Variants in ABCA8 observed in about 807,000 individuals in gnomAD.
ABCA8 encodes the protein ATP binding cassette subfamily A member 8.
In ABCA8, 177 loss-of-function variants were observed where a neutral mutation model predicts 192.3. The ratio of observed to expected loss-of-function variants is 0.92; its 90% CI spans 0.81 to 1.04. The LOEUF is 1.04. Ranked by LOEUF, ABCA8 falls within the 50% of genes least tolerant of loss-of-function variation. The probability of loss-of-function intolerance (pLI) is 0.00; values close to 1 mark genes in which losing one functional copy is unlikely to be tolerated. For missense variants in ABCA8, 1,915 were observed against 1,904.8 expected (o/e 1.01, Z -0.10); for synonymous variants, 642 against 690.2 (o/e 0.93, Z 1.09).
At chr17:68,939,796 T>G (rs1291870384) in intron 4 of ABCA8, among the ~76,000 whole-genome samples, 1 of 152,192 alleles carries the variant, frequency 6.6e-6, no homozygotes, top group African/African-American at 2.4e-5. Flanking sequence ...GAAATATTTA[T>G]GAAAAATATA....
chr17:68,942,605 T>C, intron 2 of ABCA8, among the ~76,000 whole-genome samples: 1 of 152,028 alleles, frequency 6.6e-6, no homozygotes, highest in East Asian at 2.0e-4. Context: ...TCCTCGAAGC[T>C]CTGTTTCCTT....
intron 37 of ABCA8, among the ~76,000 whole-genome samples, chr17:68,872,824 A>G (rs2066099759): frequency 6.6e-6 from 1 of 152,132 alleles, no homozygotes; most frequent in South Asian, 2.1e-4. Flanking sequence ...TAATTTTAGA[A>G]ATAGAAAATA....
intron 1 of ABCA8, among the ~76,000 whole-genome samples, chr17:68,953,891 T>G (rs1486544395): frequency 2.0e-5 from 3 of 152,170 alleles, no homozygotes; most frequent in Non-Finnish European, 4.4e-5. Flanking sequence ...TATAGAAGTA[T>G]AATGCCGCTC....
chr17:68,884,995 A>G (rs1417948493), intron 27 of ABCA8: 2 of 619,550 alleles, frequency 3.2e-6, no homozygotes, highest in African/African-American at 2.0e-5. Context: ...CTTCCCATAT[A>G]TTAATCAGGA....
chr17:68,878,620 C>A (rs1567821657), intron 32 of ABCA8: 1 of 152,188 alleles, frequency 6.6e-6, no homozygotes, highest in Non-Finnish European at 1.5e-5. Flanking sequence ...TCAGACTTAC[C>A]TTTTACAAGA....
intron 4 of ABCA8, among the ~76,000 whole-genome samples, chr17:68,938,481 T>C (rs1162789652): frequency 1.3e-5 from 2 of 152,138 alleles, no homozygotes; most frequent in Non-Finnish European, 2.9e-5. Flanking sequence ...TGGAGCAAGA[T>C]GCATAGGTTC....
In ABCA8 at chr17:68,868,297, C is replaced by T. The variant is rs138609286; in HGVS notation, c.4767+4G>A. ...GATGATACGAATCCCTAAAAATGAC[C>T]CACCTGCTCCAGGGTAGACTGTGAG... is the stretch of plus-strand genomic sequence containing the variant. On this transcript the variant is annotated splice_donor_region_variant and intron_variant, in intron 39 of 39. Transcript: ENST00000586539. The T allele has an allele frequency of 2.9e-5, 46 of 1,613,484 alleles. No homozygotes were observed. The African/African-American group carries it at 5.1e-4, about 18-fold the overall frequency.
chr17:68,871,766 T>C (rs1297094177), intron 37 of ABCA8, among the ~76,000 whole-genome samples: 1 of 152,164 alleles, frequency 6.6e-6, no homozygotes, highest in African/African-American at 2.4e-5. Flanking sequence ...CATTATAGCA[T>C]AACATATTAC....
intron 1 of ABCA8, among the ~76,000 whole-genome samples, chr17:68,951,425 C>T (rs571912686): frequency 6.6e-6 from 1 of 152,352 alleles, no homozygotes; most frequent in East Asian, 1.9e-4. Flanking sequence ...TCCACGTGCA[C>T]CTAACATACC....
intron 17 of ABCA8, among the ~76,000 whole-genome samples, chr17:68,912,122 A>T (rs1301255304): frequency 6.6e-6 from 1 of 152,208 alleles, no homozygotes; most frequent in Non-Finnish European, 1.5e-5. Flanking sequence ...TAAATAAGGT[A>T]CCAGGGACCA....
intron 2 of ABCA8, among the ~76,000 whole-genome samples, chr17:68,943,224 A>G (rs769885619): frequency 1.2e-4 from 18 of 152,166 alleles, no homozygotes; most frequent in African/African-American, 4.1e-4. Context: ...GTCTTTTTAA[A>G]ATGTCACTTT....
At chr17:68,873,915 T>A (rs745617286) in intron 37 of ABCA8, among the ~76,000 whole-genome samples, 5 of 152,218 alleles carry the variant, frequency 3.3e-5, no homozygotes, top group Non-Finnish European at 5.9e-5. Context: ...AATATGTTGG[T>A]CTTTACACTA....
chr17:68,924,383 A>C (rs2067634743), intron 11 of ABCA8, among the ~76,000 whole-genome samples: 1 of 152,026 alleles, frequency 6.6e-6, no homozygotes, highest in African/African-American at 2.4e-5. Flanking sequence ...GTGGGGACAA[A>C]GAGTGAATAA....
In ABCA8 at chr17:68,947,765, T is replaced by A. The variant is rs146050161; in HGVS notation, c.-6+1547A>T. On this transcript the variant is annotated intron_variant, in intron 2 of 39. Coordinates refer to ENST00000586539, the MANE Select transcript of ABCA8 (RefSeq NM_001288985.2). ...TATTTTACTTCATGTTCTGGGATCATGTGCAGAATGTGCAGTTTTGTTACA... is the reference window on the plus strand; with the variant it reads ...TATTTTACTTCATGTTCTGGGATCAAGTGCAGAATGTGCAGTTTTGTTACA... Among the ~76,000 whole-genome samples the A allele has an allele frequency of 3.9e-5, 6 of 152,332 alleles. No homozygotes were observed. In the East Asian group the frequency reaches 1.2e-3, roughly 29 times the overall value.
chr17:68,910,092 C>T (rs1171233250), intron 17 of ABCA8, among the ~76,000 whole-genome samples: 1 of 152,118 alleles, frequency 6.6e-6, no homozygotes, highest in Non-Finnish European at 1.5e-5. Context: ...AGATAGAACC[C>T]TCCAGAAATC....
intron 17 of ABCA8, 124 bp downstream of exon 17, chr17:68,917,237 G>T (rs141819845): frequency 1.7e-6 from 1 of 591,830 alleles, no homozygotes; most frequent in East Asian, 3.0e-5. Context: ...TCGATACTCC[G>T]TCTCAAAAAC....
chr17:68,906,183 C>T lies in ABCA8; in HGVS notation c.2279-20G>A. On this transcript the variant is annotated intron_variant, in intron 18 of 39. Coordinates refer to ENST00000586539, the MANE Select transcript of ABCA8 (RefSeq NM_001288985.2). ...AAAGTTCTAAAGAATACATATACAG[C>T]AGTGAATTAAAACAAGAATCACAAG... 2.0e-6 allele frequency: 3 copies of T among 1,467,372 alleles called. No individual in the cohort carries two copies. Among genetic ancestry groups the T allele is most frequent in the Non-Finnish European group, 1.8e-6 (2 of 1,107,022 alleles). The allele number at this position is 1,467,372 out of a possible 1,614,324, so 90.9% of individuals were successfully genotyped here.
chr17:68,909,938 A>G (rs971757774), intron 17 of ABCA8, among the ~76,000 whole-genome samples: 5 of 152,256 alleles, frequency 3.3e-5, no homozygotes, highest in Non-Finnish European at 5.9e-5. Context: ...TACTAGATTT[A>G]GAATTTAAAA....
chr17:68,910,858 G>C (rs2067213683), intron 17 of ABCA8, among the ~76,000 whole-genome samples: 1 of 152,146 alleles, frequency 6.6e-6, no homozygotes, highest in South Asian at 2.1e-4. Flanking sequence ...CTGCTGCCTT[G>C]AAGAAAAAGA....
Sources: gnomAD v4.1 joint callset for allele counts (sites outside exome capture counted in the v4.1 genomes callset) on GRCh38, gnomAD v4.1.1 for gene constraint, MANE v1.5 for transcripts, NCBI Gene and HGNC (gene_info 2026-07-23, HGNC 2026-07-21) for gene names.